NAV2: variants seen among roughly 807,000 people sequenced by gnomAD.
NAV2 encodes the protein neuron navigator 2.
NAV2 carries 54 observed loss-of-function variants against 223.2 expected under a neutral mutation model. The ratio of observed to expected loss-of-function variants is 0.24; its 90% confidence interval spans 0.19 to 0.30. The LOEUF is 0.30. Among genes scored for constraint, NAV2 ranks in the 10% least tolerant of loss-of-function variants. The pLI is 1.00. For missense variants in NAV2, 2,806 were observed against 3,147.5 expected (o/e 0.89, Z 2.60); for synonymous variants, 1,279 against 1,239.3 (o/e 1.03, Z -0.67).
At position 19,578,344 on chromosome 11, in the gene NAV2, A is replaced by C. The variant is rs550831087; in HGVS notation, c.75+227317A>C. On this transcript the variant is annotated intron_variant, in intron 1 of 37. Coordinates refer to the NAV2 transcript ENST00000360655. ...AAATGAGCCAGTGATTTGCTAGTAG[A>C]AGGCTCTTGGCCACAGTCAGAGGTT... is the stretch of plus-strand genomic sequence containing the variant. Among the ~76,000 whole-genome samples, 25 of 152,338 alleles carry C rather than the reference A, an allele frequency of 1.6e-4. 1 individual carries two copies. In the South Asian group the frequency reaches 5.2e-3, roughly 32 times the overall value.
intron 12 of NAV2, among the ~76,000 whole-genome samples, chr11:20,042,943 G>A (rs906425498): frequency 3.9e-5 from 6 of 152,044 alleles, no homozygotes. Flanking sequence ...GTCACACTTC[G>A]GTCCCCTTCT....
At chr11:19,724,685 C>T (rs970272844) in intron 1 of NAV2, among the ~76,000 whole-genome samples, 1 of 152,218 alleles carries the variant, frequency 6.6e-6, no homozygotes, top group Non-Finnish European at 1.5e-5. Flanking sequence ...CTCACAAGGG[C>T]ACTGGGGGCA....
chr11:19,994,551 A>AG lies in NAV2; in HGVS notation c.2768+10305dup, dbSNP rs1365063305. On this transcript the variant is annotated intron_variant, in intron 11 of 37. Transcript: ENST00000349880. ...ACAAGAGCAAAAAACTCTGTCTCAA[A>AG]GAAAAAAAAAAAAAAAAAGAGTAAA... is the stretch of plus-strand genomic sequence containing the variant. Among the ~76,000 whole-genome samples, 448 of 148,950 alleles carry AG rather than the reference A, an allele frequency of 3.0e-3. 6 individuals are homozygous for AG. Among genetic ancestry groups the AG allele is most frequent in the African/African-American group, 0.01 (417 of 40,304 alleles).
chr11:19,769,536 G>T (rs185133684), intron 1 of NAV2, among the ~76,000 whole-genome samples: 1 of 152,254 alleles, frequency 6.6e-6, no homozygotes, highest in Non-Finnish European at 1.5e-5. Flanking sequence ...GACCCAGAGT[G>T]CCAGCATCCA....
At chr11:20,047,335 C>T (rs1014160664) in intron 14 of NAV2, among the ~76,000 whole-genome samples, 1 of 152,102 alleles carries the variant, frequency 6.6e-6, no homozygotes, top group Admixed American at 6.5e-5. Context: ...CTTCCTAAAT[C>T]GTTAAGGTAT....
At chr11:19,922,478 C>T (rs2044362744) in intron 6 of NAV2, among the ~76,000 whole-genome samples, 1 of 152,124 alleles carries the variant, frequency 6.6e-6, no homozygotes, top group South Asian at 2.1e-4. Context: ...AAGATTTGAA[C>T]TCTATTAACA....
At chr11:19,636,424 G>C (rs1249799961) in intron 1 of NAV2, among the ~76,000 whole-genome samples, 1 of 152,088 alleles carries the variant, frequency 6.6e-6, no homozygotes, top group Non-Finnish European at 1.5e-5. Context: ...CTTTATACCA[G>C]GAGAGAGAAG....
At chr11:20,107,636 G>A (rs2062257860) in intron 35 of NAV2, 28 bp from the exon 36 acceptor site, 1 of 1,557,942 alleles carries the variant, frequency 6.4e-7, no homozygotes, top group Admixed American at 1.7e-5. Flanking sequence ...CCATTTGAGT[G>A]CTAATGTATT....
intron 1 of NAV2, among the ~76,000 whole-genome samples, chr11:19,499,353 T>C (rs2042892501): frequency 1.3e-5 from 2 of 152,196 alleles, no homozygotes; most frequent in Non-Finnish European, 1.5e-5. Flanking sequence ...TTACTTAGCA[T>C]CTCTTAACCA....
chr11:20,107,898 C>T (rs1051548348), intron 36 of NAV2, 116 bp downstream of exon 36: 3 of 739,662 alleles, frequency 4.1e-6, no homozygotes, highest in Admixed American at 2.0e-5. Flanking sequence ...GACAACCCCT[C>T]ACCTGGGAGT....
chr11:19,864,851 C>T (rs1212308995), intron 3 of NAV2, among the ~76,000 whole-genome samples: 1 of 152,168 alleles, frequency 6.6e-6, no homozygotes, highest in Non-Finnish European at 1.5e-5. Flanking sequence ...TACCTCCATC[C>T]TTCACTCAAC....
intron 1 of NAV2, among the ~76,000 whole-genome samples, chr11:19,391,353 G>T (rs906928716): frequency 5.9e-5 from 9 of 152,126 alleles, no homozygotes; most frequent in Non-Finnish European, 1.3e-4. Context: ...AAAGCCCACA[G>T]CCTGGTTTCT....
intron 1 of NAV2, among the ~76,000 whole-genome samples, chr11:19,661,702 G>A (rs1024347370): frequency 6.6e-6 from 1 of 152,178 alleles, no homozygotes; most frequent in African/African-American, 2.4e-5. Flanking sequence ...TACTAAATAA[G>A]AGAACAAGTG....
intron 1 of NAV2, among the ~76,000 whole-genome samples, chr11:19,398,933 T>C (rs1849575686): frequency 6.6e-6 from 1 of 152,234 alleles, no homozygotes; most frequent in Non-Finnish European, 1.5e-5. Context: ...AGCTGGAGGC[T>C]GGCTTCAGAG....
At position 20,025,841 on chromosome 11, in the gene NAV2, T is replaced by A. The variant is rs553535108; in HGVS notation, c.2769-10118T>A. On this transcript the variant is annotated intron_variant, in intron 11 of 37. Coordinates refer to ENST00000349880, the MANE Select transcript of NAV2 (RefSeq NM_145117.5). The stretch of plus-strand genomic sequence containing the variant: ...AGCAAGTTCTTACACTAGAACTTAA[T>A]CATCTGTTTGAGAATGTAGGCCTGC... 4.6e-5 allele frequency among the ~76,000 whole-genome samples: 7 copies of A among 152,336 alleles called. No homozygotes were observed. In the South Asian group the frequency reaches 1.5e-3, roughly 32 times the overall value.
At chr11:19,797,859 G>A (rs530601081) in intron 1 of NAV2, among the ~76,000 whole-genome samples, 116 of 152,220 alleles carry the variant, frequency 7.6e-4, no homozygotes, top group Non-Finnish European at 1.4e-3. Flanking sequence ...TGAAGTCACC[G>A]GTGTAAAGCT....
chr11:20,010,841 A>G (rs1282733290), intron 11 of NAV2, among the ~76,000 whole-genome samples: 2 of 152,196 alleles, frequency 1.3e-5, no homozygotes, highest in African/African-American at 4.8e-5. Context: ...AACTTTAAGT[A>G]CTGTAACAGG....
chr11:20,052,952 C>T (rs2058106135), intron 17 of NAV2, among the ~76,000 whole-genome samples: 1 of 152,106 alleles, frequency 6.6e-6, no homozygotes, highest in Admixed American at 6.5e-5. Flanking sequence ...TGCGGTGGCT[C>T]ATGCCTGTAA....
chr11:19,845,275 A>T (rs2060735621), intron 3 of NAV2, among the ~76,000 whole-genome samples: 1 of 152,222 alleles, frequency 6.6e-6, no homozygotes, highest in Non-Finnish European at 1.5e-5. Context: ...TTAACCTCCC[A>T]ATTAGACTTT....
Sources: gnomAD v4.1 joint callset for allele counts (sites outside exome capture counted in the v4.1 genomes callset) on GRCh38, gnomAD v4.1.1 for gene constraint, MANE v1.5 for transcripts, NCBI Gene and HGNC (gene_info 2026-07-23, HGNC 2026-07-21) for gene names.